The following CR1 variants were observed in gnomAD, a reference collection of about 807,000 sequenced individuals.
CR1 encodes complement receptor type 1.
Under a neutral mutation model 187.3 loss-of-function variants are expected in CR1, and 116 were observed. The observed-to-expected ratio is 0.62, with a 90% confidence interval of 0.53 to 0.72. The LOEUF is 0.72. CR1 is among the 30% of genes least tolerant of loss of function. The probability of loss-of-function intolerance (pLI) is 0.00; values close to 1 mark genes in which losing one functional copy is unlikely to be tolerated. For missense variants in CR1, 1,731 were observed against 2,110.7 expected (o/e 0.82, Z 3.52); for synonymous variants, 576 against 747.1 (o/e 0.77, Z 3.73).
At chr1:207,587,319 A>T in intron 33 of CR1, 67 bp from the exon 34 acceptor site, 1 of 1,366,330 alleles carries the variant, frequency 7.3e-7, no homozygotes. Context: ...GCTTAATTGA[A>T]GAGAAAGAGG....
rs985353818 is a variant in CR1 at position 207,641,000 on chromosome 1, A to C, written c.*1591A>C. On this transcript the variant is annotated 3_prime_UTR_variant, in exon 47 of 47. Coordinates refer to ENST00000367049, the MANE Select transcript of CR1 (RefSeq NM_000651.6). ...ACAAAAGCTAATTGCTTTATTATTT[A>C]GAGAGTACTTAAAAATTAAAGACCA... is the stretch of plus-strand genomic sequence containing the variant. 1 of 152,244 alleles carries C rather than the reference A, an allele frequency of 6.6e-6. No homozygotes were observed. Among genetic ancestry groups the C allele is most frequent in the Non-Finnish European group, 1.5e-5 (1 of 68,046 alleles). The allele number at this position is 152,244 out of a possible 1,614,324, so 9.4% of individuals were successfully genotyped here. A position where few individuals can be genotyped will look rare whatever the true frequency, so the allele number is the denominator to read the frequency against.
At chr1:207,624,004 C>T (rs893528519) in intron 45 of CR1, among the ~76,000 whole-genome samples, 1 of 145,366 alleles carries the variant, frequency 6.9e-6, no homozygotes, top group African/African-American at 2.6e-5. Flanking sequence ...TGGCTCACTG[C>T]AACCTCTGCC....
intron 1 of CR1, among the ~76,000 whole-genome samples, chr1:207,503,933 T>C (rs1241726707): frequency 6.6e-6 from 1 of 152,212 alleles, no homozygotes; most frequent in African/African-American, 2.4e-5. Context: ...AAACATTGTA[T>C]GTTGAAGTTG....
intron 1 of CR1, 108 bp downstream of exon 1, chr1:207,496,496 C>G (rs1659090835): frequency 7.6e-6 from 9 of 1,187,630 alleles, no homozygotes; most frequent in Non-Finnish European, 1.0e-5. Context: ...CGCCCGGGTC[C>G]GAAGGCAGCG....
At chr1:207,507,923 C>G (rs570406214) in intron 3 of CR1, among the ~76,000 whole-genome samples, 2 of 152,248 alleles carry the variant, frequency 1.3e-5, no homozygotes, top group South Asian at 2.1e-4. Flanking sequence ...TGTGGTACAT[C>G]CATACAATAG....
Position 207,609,382 on chromosome 1 carries a change from C to A in CR1, c.5989C>A (p.Gln1997Lys), listed in dbSNP as rs1204262968. 6.2e-7 allele frequency: 1 copy of A among 1,613,940 alleles called. No individual in the cohort carries two copies. The highest frequency in any genetic ancestry group is 1.7e-5 in the Admixed American group (1 of 60,026). Reference sequence around the variant, plus strand: ...TCACAATGGAACGGTGGTAACTTACCAGTGCCACACTGGACCAGATGGAGA... The same window carrying A: ...TCACAATGGAACGGTGGTAACTTACAAGTGCCACACTGGACCAGATGGAGA... Reference protein sequence around the residue: ...SFHNGTVVTYQCHTGPDGEQL... With the variant: ...SFHNGTVVTYKCHTGPDGEQL... The change falls in exon 37 of 47, where the codon CAG (glutamine) becomes AAG (lysine). Residue 1997 changes from glutamine (Q) to lysine (K), a missense_variant. By Grantham distance (53) the Gln-to-Lys change is moderately conservative. This residue lies in a region of CR1 where 1,312 missense variants were observed against 1,379.6 expected (regional missense o/e 0.95). Transcript: ENST00000367049.
intron 46 of CR1, among the ~76,000 whole-genome samples, chr1:207,635,631 T>C: frequency 6.6e-6 from 1 of 152,064 alleles, no homozygotes; most frequent in East Asian, 1.9e-4. Context: ...CCTTCCTCTT[T>C]TACTAATCTT....
intron 45 of CR1, among the ~76,000 whole-genome samples, 158 bp downstream of exon 45, chr1:207,623,226 T>G (rs1662367476): frequency 6.6e-6 from 1 of 152,070 alleles, no homozygotes; most frequent in Non-Finnish European, 1.5e-5. Context: ...AAAGAGGTAT[T>G]CACACTAAAG....
rs945542278 is a variant in CR1, at chr1:207,640,040, A to G, written c.*631A>G. ...TTACTTTCTCTAGGGAGAAAAATTA[A>G]TTTACTAGAAAGGCATGAAATGATC... On this transcript the variant is annotated 3_prime_UTR_variant, in exon 47 of 47. Transcript: ENST00000367049. 2 of 152,218 alleles carry G rather than the reference A, an allele frequency of 1.3e-5. No individual in the cohort carries two copies. The highest frequency in any genetic ancestry group is 2.9e-5 in the Non-Finnish European group (2 of 68,034). 9.4% of individuals were successfully genotyped at this position (152,218 alleles called of 1,614,324 possible).
chr1:207,599,506 G>A (rs957229326), intron 35 of CR1, among the ~76,000 whole-genome samples: 1 of 152,190 alleles, frequency 6.6e-6, no homozygotes, highest in Non-Finnish European at 1.5e-5. Flanking sequence ...AGGAAAAGGA[G>A]TATTAATTAC....
intron 4 of CR1, among the ~76,000 whole-genome samples, chr1:207,513,344 C>T (rs1051795208): frequency 9.9e-5 from 15 of 152,206 alleles, no homozygotes; most frequent in African/African-American, 2.9e-4. Flanking sequence ...TTCAGAGAAT[C>T]CAGTTCAATG....
intron 27 of CR1, among the ~76,000 whole-genome samples, chr1:207,575,261 G>C (rs917185836): frequency 2.7e-5 from 4 of 149,258 alleles, no homozygotes; most frequent in Non-Finnish European, 3.0e-5. Context: ...AACAAAAAAA[G>C]GCAAAAATAA....
intron 31 of CR1, among the ~76,000 whole-genome samples, chr1:207,581,257 T>C (rs564837189): frequency 4.0e-5 from 6 of 151,174 alleles, no homozygotes; most frequent in Non-Finnish European, 7.4e-5. Context: ...GACACGTATA[T>C]GTAGACGTAT....
At chr1:207,598,762 G>A (rs1661522942) in intron 35 of CR1, 1 of 152,166 alleles carries the variant, frequency 6.6e-6, no homozygotes, top group Non-Finnish European at 1.5e-5. Context: ...CTAACGTATT[G>A]AAATACATAA....
At chr1:207,501,539 G>A (rs1269801040) in intron 1 of CR1, among the ~76,000 whole-genome samples, 1 of 152,126 alleles carries the variant, frequency 6.6e-6, no homozygotes, top group Admixed American at 6.6e-5. Context: ...ACTACATCAA[G>A]CTTTCTTTGT....
Position 207,584,694 on chromosome 1 carries a change from C to A in CR1, c.5348C>A (p.Thr1783Lys), listed in dbSNP as rs772363143. 14 of 1,613,738 alleles carry A rather than the reference C, an allele frequency of 8.7e-6. No homozygotes were observed. The highest frequency in any genetic ancestry group is 5.9e-6 in the Non-Finnish European group (7 of 1,179,680). Reference sequence around the variant, plus strand: ...CCAGCTATCCTTAATGGGAGACACACAGGAACTCCCTCTGGAGATATTCCC... The same window carrying A: ...CCAGCTATCCTTAATGGGAGACACAAAGGAACTCCCTCTGGAGATATTCCC... ...NPPAILNGRHTGTPSGDIPYG... is the reference protein window; with the variant it reads ...NPPAILNGRHKGTPSGDIPYG... The change falls in exon 33 of 47, where the codon ACA (threonine) becomes AAA (lysine). Residue 1783 changes from threonine to lysine, a missense_variant. Physicochemically the swap from Thr to Lys is moderately conservative, Grantham distance 78. Transcript: ENST00000367049.
At chr1:207,507,112 G>A (rs758504999) in intron 3 of CR1, 5 of 264,776 alleles carry the variant, frequency 1.9e-5, no homozygotes, top group Non-Finnish European at 3.6e-5. Context: ...CAGCCTTAAC[G>A]CAGAGGGGAC....
At chr1:207,613,724 A>C (rs752314153) in intron 39 of CR1, among the ~76,000 whole-genome samples, 2 of 152,094 alleles carry the variant, frequency 1.3e-5, no homozygotes, top group Non-Finnish European at 2.9e-5. Context: ...TTTCCAAAGA[A>C]TCTTCGGCAT....
intron 3 of CR1, among the ~76,000 whole-genome samples, chr1:207,509,839 C>T (rs1659559796): frequency 6.6e-6 from 1 of 152,200 alleles, no homozygotes; most frequent in African/African-American, 2.4e-5. Flanking sequence ...CATTTGTTCA[C>T]ATACTTCATA....
Sources: allele counts gnomAD v4.1 joint callset (sites outside exome capture counted in the v4.1 genomes callset), GRCh38; gene constraint gnomAD v4.1.1; regional missense constraint gnomAD v4.1.1; transcripts MANE v1.5; gene names NCBI Gene and HGNC (gene_info 2026-07-23, HGNC 2026-07-21).